The following ACTR3 variants were observed in gnomAD, a reference collection of about 807,000 sequenced individuals.
ACTR3 encodes the protein actin related protein 3, also known as actin-related protein 3.
In ACTR3, 12 loss-of-function variants were observed where a neutral mutation model predicts 56.8. That is an observed-to-expected ratio of 0.21 (90% CI 0.14 to 0.34). The LOEUF (loss-of-function observed/expected upper bound fraction) is 0.34. Ranked by LOEUF, ACTR3 falls within the 10% of genes least tolerant of loss-of-function variation. The probability of loss-of-function intolerance (pLI) is 1.00; values close to 1 mark genes in which losing one functional copy is unlikely to be tolerated. For synonymous variants in ACTR3, 162 were observed against 167.4 expected (o/e 0.97, Z 0.25); for missense variants, 282 against 512.5 (o/e 0.55, Z 4.34).
intron 1 of ACTR3, among the ~76,000 whole-genome samples, chr2:113,893,075 A>G (rs1559451203): frequency 1.3e-5 from 2 of 152,226 alleles, no homozygotes; most frequent in South Asian, 2.1e-4. Flanking sequence ...ATTGTAAAAT[A>G]CAGTTGGGGC....
chr2:113,957,184 G>C (rs1247710902), intron 11 of ACTR3, among the ~76,000 whole-genome samples, 176 bp from the exon 12 acceptor site: 1 of 152,158 alleles, frequency 6.6e-6, no homozygotes, highest in Non-Finnish European at 1.5e-5. Context: ...AAGATTTATA[G>C]CTGATTTTAA....
chr2:113,890,381 G>T, intron 1 of ACTR3, 58 bp downstream of exon 1: 2 of 1,415,132 alleles, frequency 1.4e-6, no homozygotes, highest in South Asian at 2.6e-5. Context: ...AAGATGGCGG[G>T]GGAGGGAGGA....
intron 3 of ACTR3, among the ~76,000 whole-genome samples, chr2:113,921,159 A>G (rs185601912): frequency 6.6e-6 from 1 of 152,186 alleles, no homozygotes. Context: ...GGTAATAGCC[A>G]TTCTAACTAT....
At chr2:113,892,711 G>A (rs769607996) in intron 1 of ACTR3, among the ~76,000 whole-genome samples, 1 of 152,162 alleles carries the variant, frequency 6.6e-6, no homozygotes, top group Non-Finnish European at 1.5e-5. Context: ...ATGCTTTAGA[G>A]AATGCATTCA....
At chr2:113,905,035 G>C (rs924589079) in intron 1 of ACTR3, 1 of 152,140 alleles carries the variant, frequency 6.6e-6, no homozygotes, top group Admixed American at 6.6e-5. Flanking sequence ...TTTTTGTAAA[G>C]AAGTTTTTAA....
chr2:113,895,153 G>C (rs1678983943), intron 1 of ACTR3, among the ~76,000 whole-genome samples: 1 of 139,576 alleles, frequency 7.2e-6, no homozygotes, highest in African/African-American at 2.7e-5. Flanking sequence ...TTACTCTCTA[G>C]GTTGTGTTTC....
In ACTR3 at chr2:113,923,181, A is replaced by G. The variant is rs187251567; in HGVS notation, c.226-4164A>G. 3.8e-3 allele frequency among the ~76,000 whole-genome samples: 585 copies of G among 152,304 alleles called. 2 individuals are homozygous for G. The highest frequency in any genetic ancestry group is 8.3e-3 in the Admixed American group (127 of 15,300). On this transcript the variant is annotated intron_variant, in intron 3 of 11. Transcript: ENST00000263238. ...TTAGCTATTTTTCTCTTTCCTTTTA[A>G]AACGACACTTCTTAGTGAGTCTCAA...
At chr2:113,897,745 T>C (rs1468476101) in intron 1 of ACTR3, among the ~76,000 whole-genome samples, 2 of 152,044 alleles carry the variant, frequency 1.3e-5, no homozygotes, top group African/African-American at 4.8e-5. Flanking sequence ...CAGGCTGATA[T>C]TGAACTCCTG....
intron 1 of ACTR3, among the ~76,000 whole-genome samples, chr2:113,901,384 A>G (rs1679096976): frequency 6.6e-6 from 1 of 152,336 alleles, no homozygotes; most frequent in Admixed American, 6.5e-5. Flanking sequence ...TCTAACACCA[A>G]ATTACCTTTT....
upstream of ACTR3, chr2:113,890,008 T>TG: frequency 2.3e-6 from 1 of 434,484 alleles, no homozygotes; most frequent in Non-Finnish European, 3.8e-6. Context: ...AGTTGTAGGG[T>TG]GGGGGCAGGA....
intron 1 of ACTR3, among the ~76,000 whole-genome samples, chr2:113,901,850 C>T (rs1355650208): frequency 6.6e-6 from 1 of 152,046 alleles, no homozygotes; most frequent in Non-Finnish European, 1.5e-5. Context: ...TATATTAGCC[C>T]CTAGCAAGAG....
chr2:113,928,385 T>C (rs1041751464), intron 4 of ACTR3, among the ~76,000 whole-genome samples: 37 of 152,246 alleles, frequency 2.4e-4, no homozygotes, highest in African/African-American at 6.8e-4. Context: ...ATGGGAGTCA[T>C]TTGACCCCTA....
At position 113,960,226 on chromosome 2, in the gene ACTR3, C is replaced by G. The variant is rs1048174881; in HGVS notation, c.*2771C>G. 1 of 151,896 alleles carries G rather than the reference C, an allele frequency of 6.6e-6. No homozygotes were observed. Among genetic ancestry groups the G allele is most frequent in the African/African-American group, 2.4e-5 (1 of 41,406 alleles). The allele number at this position is 151,896 out of a possible 1,614,324, so 9.4% of individuals were successfully genotyped here. ...TGATGCCTGCTTTTCAAAAAGTGAG[C>G]AAATTTCACATCTTCACCCTTAGAC... On this transcript the variant is annotated 3_prime_UTR_variant, in exon 12 of 12. Coordinates refer to ENST00000263238, the MANE Select transcript of ACTR3 (RefSeq NM_005721.5).
At chr2:113,895,159 G>A (rs536325289) in intron 1 of ACTR3, among the ~76,000 whole-genome samples, 22 of 142,912 alleles carry the variant, frequency 1.5e-4, no homozygotes, top group African/African-American at 5.2e-4. Flanking sequence ...TCTAGGTTGT[G>A]TTTCTCAGGA....
intron 3 of ACTR3, among the ~76,000 whole-genome samples, chr2:113,920,263 G>T (rs1679483096): frequency 6.6e-6 from 1 of 152,030 alleles, no homozygotes; most frequent in Admixed American, 6.6e-5. Context: ...TCCTTCTGTT[G>T]CCCATGCTCG....
chr2:113,943,585 A>T (rs1317945371), intron 8 of ACTR3, among the ~76,000 whole-genome samples: 1 of 152,232 alleles, frequency 6.6e-6, no homozygotes, highest in Non-Finnish European at 1.5e-5. Flanking sequence ...TAGATGAAAG[A>T]TGAATAGTAT....
At chr2:113,943,295 G>A (rs1335132147) in intron 8 of ACTR3, among the ~76,000 whole-genome samples, 1 of 152,136 alleles carries the variant, frequency 6.6e-6, no homozygotes, top group African/African-American at 2.4e-5. Context: ...TTTGTCAGAA[G>A]GTTAGCTAGG....
chr2:113,948,396 C>T (rs1244078755), intron 8 of ACTR3, among the ~76,000 whole-genome samples: 1 of 152,138 alleles, frequency 6.6e-6, no homozygotes, highest in African/African-American at 2.4e-5. Flanking sequence ...GCAATTCACC[C>T]ATCTTGCCCT....
intron 1 of ACTR3, among the ~76,000 whole-genome samples, chr2:113,912,347 A>G (rs1388640035): frequency 6.6e-6 from 1 of 152,168 alleles, no homozygotes; most frequent in Non-Finnish European, 1.5e-5. Flanking sequence ...AGCTTTTCCC[A>G]CATAGCTAAA....
Sources: allele counts gnomAD v4.1 joint callset (sites outside exome capture counted in the v4.1 genomes callset), GRCh38; gene constraint gnomAD v4.1.1; transcripts MANE v1.5; gene names NCBI Gene and HGNC (gene_info 2026-07-23, HGNC 2026-07-21).